The following PCDHGA10 variants were observed in gnomAD, a reference collection of about 807,000 sequenced individuals.
The protein encoded by PCDHGA10 is protocadherin gamma-A10.
A neutral mutation model predicts 59.5 loss-of-function variants in PCDHGA10; 42 were observed. That is an observed-to-expected ratio of 0.71 (90% CI 0.55 to 0.91). PCDHGA10 has a LOEUF of 0.91. Among genes scored for constraint, PCDHGA10 ranks in the 40% least tolerant of loss-of-function variants. The probability of loss-of-function intolerance (pLI) is 0.00; values close to 1 mark genes in which losing one functional copy is unlikely to be tolerated. For missense variants in PCDHGA10, 1,111 were observed against 1,198.2 expected, an observed-to-expected ratio of 0.93 and a Z score of 1.07; for synonymous variants, 511 against 517.2, an observed-to-expected ratio of 0.99 and a Z score of 0.16.
intron 2 of PCDHGA10, among the ~76,000 whole-genome samples, chr5:141,496,856 G>A (rs1324235700): frequency 6.7e-6 from 1 of 150,206 alleles, no homozygotes; most frequent in African/African-American, 2.5e-5. Context: ...CAGACCAGCA[G>A]AGGAGACTGA....
chr5:141,491,503 G>C lies in PCDHGA10; in HGVS notation c.2437-3304G>C. On this transcript the variant is annotated intron_variant, in intron 1 of 3. Coordinates refer to ENST00000398610, the MANE Select transcript of PCDHGA10 (RefSeq NM_018913.3). The surrounding 1 kb of genome is among the most constrained non-coding windows in gnomAD (Gnocchi z 6.9). ...CCCCAACCTGCAGGTGAGCTCGGACGGCACGCTCAAGTACATGGAGGTGAC... is the reference window on the plus strand; with the variant it reads ...CCCCAACCTGCAGGTGAGCTCGGACCGCACGCTCAAGTACATGGAGGTGAC... The C allele has an allele frequency of 6.2e-7, 1 of 1,614,030 alleles. No homozygotes were observed.
chr5:141,504,315 A>G (rs573050088), intron 2 of PCDHGA10, among the ~76,000 whole-genome samples: 1 of 152,248 alleles, frequency 6.6e-6, no homozygotes, highest in East Asian at 1.9e-4. Flanking sequence ...AGTTTCTAAA[A>G]GTCTCACTTA....
rs1281778338 is a variant in PCDHGA10, at chr5:141,512,281, G to A, written c.*1108G>A. ...TGGGTACTCCAGAGGTGCCACTGGTGGAAGGGTCAGCGGAGCCCCAGCAGG... is the reference window on the plus strand; with the variant it reads ...TGGGTACTCCAGAGGTGCCACTGGTAGAAGGGTCAGCGGAGCCCCAGCAGG... On this transcript the variant is annotated 3_prime_UTR_variant, in exon 4 of 4. Transcript: ENST00000398610. 6.5e-6 allele frequency: 1 copy of A among 152,810 alleles called. No homozygotes were observed. Among genetic ancestry groups the A allele is most frequent in the Non-Finnish European group, 1.5e-5 (1 of 68,178 alleles). The allele number at this position is 152,810 out of a possible 1,614,324, so 9.5% of individuals were successfully genotyped here.
chr5:141,509,719 C>G (rs2099877973), intron 3 of PCDHGA10, among the ~76,000 whole-genome samples: 1 of 152,152 alleles, frequency 6.6e-6, no homozygotes, highest in Non-Finnish European at 1.5e-5. Flanking sequence ...TGTCTGATGT[C>G]ACCTAGCTGT....
In PCDHGA10 at chr5:141,431,023, C is replaced by T. The variant is rs374655655; in HGVS notation, c.2436+15412C>T. 1 of 1,613,748 alleles carries T rather than the reference C, an allele frequency of 6.2e-7. No homozygotes were observed. On this transcript the variant is annotated intron_variant, in intron 1 of 3. Coordinates refer to ENST00000398610, the MANE Select transcript of PCDHGA10 (RefSeq NM_018913.3). This position sits in a 1 kb window ranked among gnomAD's most constrained non-coding sequence, Gnocchi z 4.8. Reference sequence around the variant, plus strand: ...GCAGCGGCAGCTTGGTCACGGCGGGCAGGATAGACCGGGAGGAGCTCTGTA... The same window carrying T: ...GCAGCGGCAGCTTGGTCACGGCGGGTAGGATAGACCGGGAGGAGCTCTGTA...
intron 1 of PCDHGA10, among the ~76,000 whole-genome samples, chr5:141,463,025 T>G (rs2099051289): frequency 6.6e-6 from 1 of 152,202 alleles, no homozygotes; most frequent in Non-Finnish European, 1.5e-5. Flanking sequence ...ACTTTTTTGA[T>G]TAATCTGAGT....
At chr5:141,478,845 A>G in intron 1 of PCDHGA10, 2 of 1,389,784 alleles carry the variant, frequency 1.4e-6, no homozygotes, top group Non-Finnish European at 9.5e-7. Flanking sequence ...TGGTTAAGCT[A>G]AAACACAAGA....
At chr5:141,421,229 T>C (rs776952658) in intron 1 of PCDHGA10, 3 of 1,589,662 alleles carry the variant, frequency 1.9e-6, no homozygotes, top group South Asian at 1.1e-5. Flanking sequence ...GAGCCTGCCA[T>C]GGCGAATCGG....
chr5:141,465,519 T>C (rs2099104752), intron 1 of PCDHGA10, among the ~76,000 whole-genome samples: 1 of 152,224 alleles, frequency 6.6e-6, no homozygotes, highest in East Asian at 1.9e-4. Context: ...GGAAGGATTC[T>C]GGGGAAGTTT....
chr5:141,430,949 GT>G (rs1391027030), intron 1 of PCDHGA10: 5 of 1,610,510 alleles, frequency 3.1e-6, no homozygotes, highest in Non-Finnish European at 4.2e-6. Flanking sequence ...GGAGCGCGGA[GT>G]CCGCATCATC....
Position 141,415,400 on chromosome 5 carries a change from C to T in PCDHGA10, c.2225C>T (p.Ser742Leu), listed in dbSNP as rs754292889. 2.5e-6 allele frequency: 4 copies of T among 1,614,228 alleles called. No individual in the cohort carries two copies. Among genetic ancestry groups the T allele is most frequent in the South Asian group, 1.1e-5 (1 of 91,090 alleles). The change falls in exon 1 of 4, where the codon TCG becomes TTG. Residue 742 changes from serine to leucine, a missense_variant. Coordinates refer to ENST00000398610, the MANE Select transcript of PCDHGA10 (RefSeq NM_018913.3). ...GGCGGCTTGACAGGTGTGTCCGGCT[C>T]GCACTTTGTGGGCGTGGACGGGGTT... is the stretch of plus-strand genomic sequence containing the variant. ...SGGGLTGVSG[S>L]HFVGVDGVRA... is the part of the protein sequence containing the mutation.
chr5:141,422,539 C>T (rs1335732614), intron 1 of PCDHGA10: 6 of 1,613,876 alleles, frequency 3.7e-6, no homozygotes, highest in Middle Eastern at 1.6e-4. Context: ...TGCAGAAACT[C>T]ATGTCTGGCT....
rs957548133 is a variant in PCDHGA10, at chr5:141,414,948, G to A, written c.1773G>A (p.Leu591=). 20 of 1,614,084 alleles carry A rather than the reference G, an allele frequency of 1.2e-5. No homozygotes were observed. The highest frequency in any genetic ancestry group is 2.2e-5 in the South Asian group (2 of 91,078). Residue 591 remains leucine (L), a synonymous_variant, in exon 1 of 4, where the codon CTG becomes CTA. Coordinates refer to ENST00000398610, the MANE Select transcript of PCDHGA10 (RefSeq NM_018913.3). ...LAPRSAEPGY[L]VTKVVAVDRD... Reference sequence around the variant, plus strand: ...CCCGCTCCGCAGAGCCCGGCTACCTGGTGACCAAGGTGGTGGCGGTGGACA... The same window carrying A: ...CCCGCTCCGCAGAGCCCGGCTACCTAGTGACCAAGGTGGTGGCGGTGGACA...
At chr5:141,430,986 C>G (rs549700048) in intron 1 of PCDHGA10, 1 of 1,613,762 alleles carries the variant, frequency 6.2e-7, no homozygotes, top group African/African-American at 1.3e-5. Context: ...CAGCTTTTCG[C>G]CCTGAATCCG....
In PCDHGA10 at chr5:141,431,797, A is replaced by T. The variant is rs754056771; in HGVS notation, c.2436+16186A>T. 6.2e-7 allele frequency: 1 copy of T among 1,614,256 alleles called. No homozygotes were observed. The highest frequency in any genetic ancestry group is 2.2e-5 in the East Asian group (1 of 44,882). ...TGGACGTGAACGACAATGCCCCAGAAGTGGTCCTCACCTCTCTCGCCAGCT... is the reference window on the plus strand; with the variant it reads ...TGGACGTGAACGACAATGCCCCAGATGTGGTCCTCACCTCTCTCGCCAGCT... On this transcript the variant is annotated intron_variant, in intron 1 of 3. Coordinates refer to ENST00000398610, the MANE Select transcript of PCDHGA10 (RefSeq NM_018913.3). This position sits in a 1 kb window ranked among gnomAD's most constrained non-coding sequence, Gnocchi z 4.8.
intron 1 of PCDHGA10, among the ~76,000 whole-genome samples, chr5:141,448,877 G>A (rs1421211206): frequency 6.6e-6 from 1 of 152,112 alleles, no homozygotes; most frequent in African/African-American, 2.4e-5. Flanking sequence ...CCTGGGAGGC[G>A]GAGCTTGCAG....
intron 1 of PCDHGA10, among the ~76,000 whole-genome samples, chr5:141,481,194 T>C (rs74538051): frequency 0.017 from 2,576 of 152,298 alleles, 78 homozygotes; most frequent in African/African-American, 0.059. Context: ...CCAGGCCCAA[T>C]TTTTTTAAAA....
intron 3 of PCDHGA10, among the ~76,000 whole-genome samples, chr5:141,508,761 C>G (rs943236216): frequency 6.6e-6 from 1 of 151,974 alleles, no homozygotes; most frequent in Admixed American, 6.6e-5. Context: ...TCTGGCGCCT[C>G]TGAGGTCCCC....
chr5:141,471,046 C>CTTTT (rs1170588345), intron 1 of PCDHGA10, among the ~76,000 whole-genome samples: 3 of 113,278 alleles, frequency 2.6e-5, no homozygotes, highest in African/African-American at 7.1e-5. Flanking sequence ...CCCAAGCCCT[C>CTTTT]TTTTTTTTTT....
Sources: gnomAD v4.1 joint callset for allele counts (sites outside exome capture counted in the v4.1 genomes callset) on GRCh38, gnomAD v4.1.1 for gene constraint, Gnocchi (gnomAD v3.1) non-coding constraint, MANE v1.5 for transcripts, NCBI Gene and HGNC (gene_info 2026-07-23, HGNC 2026-07-21) for gene names.